The following ZEB1 variants were observed in gnomAD, a reference collection of about 807,000 sequenced individuals.
ZEB1 encodes zinc finger E-box binding homeobox 1.
A neutral mutation model predicts 84.9 loss-of-function variants in ZEB1; 21 were observed. That is an observed-to-expected ratio of 0.25 (90% CI 0.18 to 0.36). The LOEUF is 0.36. Ranked by LOEUF, ZEB1 falls within the 10% of genes least tolerant of loss-of-function variation. ZEB1 has a pLI of 1.00. For missense variants in ZEB1, 1,104 were observed against 1,330.2 expected (o/e 0.83, Z 2.65); for synonymous variants, 420 against 471.1 (o/e 0.89, Z 1.41).
intron 2 of ZEB1, among the ~76,000 whole-genome samples, chr10:31,472,226 G>A (rs1176904972): frequency 1.3e-5 from 2 of 151,726 alleles, no homozygotes; most frequent in Non-Finnish European, 2.9e-5. Flanking sequence ...CAGAACTGAA[G>A]GAAATAGAGA....
intron 4 of ZEB1, among the ~76,000 whole-genome samples, chr10:31,508,612 G>A (rs968222267): frequency 2.0e-5 from 3 of 152,124 alleles, no homozygotes; most frequent in Non-Finnish European, 2.9e-5. Context: ...TCGGAAACTG[G>A]GGAGGAGGTA....
intron 1 of ZEB1, chr10:31,387,834 ATTGAAAAATATTACTTAAAAC>A: frequency 1.1e-6 from 1 of 870,162 alleles, no homozygotes; most frequent in Non-Finnish European, 1.4e-6. Context: ...TCAGATCTTA[ATTGAAAAATATTACTTAAAAC>A]TTGAAAAAAT....
In ZEB1 at chr10:31,526,849, A is replaced by G; in HGVS notation, c.2963A>G (p.Lys988Arg). Residue 988 changes from lysine (K) to arginine (R), a missense_variant, in exon 9 of 9, where the codon AAG becomes AGG. Transcript: ENST00000424869. ...QHMNHRYSYCKREAEERDSTE... is the reference protein window; with the variant it reads ...QHMNHRYSYCRREAEERDSTE... ...ATGAATCATCGCTACTCCTACTGTA[A>G]GAGAGAAGCGGAAGAACGTGACAGC... The G allele has an allele frequency of 6.2e-7, 1 of 1,614,172 alleles. No individual in the cohort carries two copies. The highest frequency in any genetic ancestry group is 1.1e-5 in the South Asian group (1 of 91,080).
chr10:31,372,239 A>G (rs961274519), intron 1 of ZEB1, among the ~76,000 whole-genome samples: 1 of 152,066 alleles, frequency 6.6e-6, no homozygotes, highest in Admixed American at 6.6e-5. Context: ...TTTTTGCTAA[A>G]GACTTAAATT....
chr10:31,407,114 C>T (rs961683234), intron 1 of ZEB1, among the ~76,000 whole-genome samples: 1 of 151,140 alleles, frequency 6.6e-6, no homozygotes, highest in East Asian at 1.9e-4. Context: ...TATTATTATA[C>T]CTTAAGTTTT....
At chr10:31,406,657 A>C (rs778814381) in intron 1 of ZEB1, among the ~76,000 whole-genome samples, 11 of 152,042 alleles carry the variant, frequency 7.2e-5, no homozygotes, top group Non-Finnish European at 1.0e-4. Flanking sequence ...GTTCACTCTG[A>C]TGATAGTTTC....
intron 1 of ZEB1, among the ~76,000 whole-genome samples, chr10:31,440,494 C>A (rs572720408): frequency 6.6e-6 from 1 of 151,918 alleles, no homozygotes; most frequent in Non-Finnish European, 1.5e-5. Flanking sequence ...TGAAAACTGG[C>A]GCAAGACAGG....
At chr10:31,427,026 G>A (rs1024840900) in intron 1 of ZEB1, among the ~76,000 whole-genome samples, 5 of 151,710 alleles carry the variant, frequency 3.3e-5, no homozygotes, top group African/African-American at 1.2e-4. Context: ...AATACCATTT[G>A]CATCATTGTA....
In ZEB1 at chr10:31,379,431, G is replaced by GTC. The variant is rs994551359; in HGVS notation, c.58+60149_58+60150dup. ...CCTCTTTTTCTGTCTCTGTCTGTCTGTCTCTCTCTCTGTGTGTGTATATAT... is the reference window on the plus strand; with the variant it reads ...CCTCTTTTTCTGTCTCTGTCTGTCTGTCTCTCTCTCTCTGTGTGTGTATATAT... On this transcript the variant is annotated intron_variant, in intron 1 of 8. Coordinates refer to ENST00000424869, the MANE Select transcript of ZEB1 (RefSeq NM_001174096.2). 7.3e-5 allele frequency among the ~76,000 whole-genome samples: 11 copies of GTC among 149,928 alleles called. No individual in the cohort carries two copies. The East Asian group carries it at 1.4e-3, about 19-fold the overall frequency.
At chr10:31,330,916 C>A (rs954152539) in intron 1 of ZEB1, among the ~76,000 whole-genome samples, 2 of 151,734 alleles carry the variant, frequency 1.3e-5, no homozygotes, top group African/African-American at 4.8e-5. Context: ...TTTGTTTTTA[C>A]AGATCTCGCT....
intron 1 of ZEB1, among the ~76,000 whole-genome samples, chr10:31,414,038 C>T (rs1028422264): frequency 1.3e-5 from 2 of 152,134 alleles, no homozygotes; most frequent in Non-Finnish European, 2.9e-5. Context: ...CTAGCAAATT[C>T]GGAATCATTT....
intron 1 of ZEB1, among the ~76,000 whole-genome samples, chr10:31,397,064 G>A (rs1293539565): frequency 6.8e-6 from 1 of 147,070 alleles, no homozygotes; most frequent in African/African-American, 2.5e-5. Flanking sequence ...CACCCAGGCT[G>A]GAGTGCAGTG....
At chr10:31,477,683 G>T (rs183074290) in intron 2 of ZEB1, among the ~76,000 whole-genome samples, 220 of 152,044 alleles carry the variant, frequency 1.4e-3, no homozygotes, top group Non-Finnish European at 2.7e-3. Flanking sequence ...CAGAGGAATA[G>T]AACAAAGAAC....
chr10:31,385,974 G>A (rs1190654441), intron 1 of ZEB1, among the ~76,000 whole-genome samples: 2 of 152,022 alleles, frequency 1.3e-5, no homozygotes, highest in African/African-American at 2.4e-5. Context: ...CAGACAAAAT[G>A]TACATACGAA....
At chr10:31,475,027 C>G (rs1376056242) in intron 2 of ZEB1, among the ~76,000 whole-genome samples, 3 of 129,050 alleles carry the variant, frequency 2.3e-5, no homozygotes, top group Non-Finnish European at 4.6e-5. Context: ...CACATGGACA[C>G]AGGAAGGGGA....
At chr10:31,382,358 G>T (rs2047843461) in intron 1 of ZEB1, among the ~76,000 whole-genome samples, 1 of 152,066 alleles carries the variant, frequency 6.6e-6, no homozygotes, top group African/African-American at 2.4e-5. Context: ...TAATACAGTT[G>T]TTTTCTTAAG....
intron 2 of ZEB1, 44 bp downstream of exon 2, chr10:31,461,281 T>G: frequency 6.6e-7 from 1 of 1,523,918 alleles, no homozygotes; most frequent in Non-Finnish European, 8.9e-7. Flanking sequence ...TCATGATTCG[T>G]TTTTTAAAAT....
In ZEB1 at chr10:31,520,340, A is replaced by T. The variant is rs749135192; in HGVS notation, c.1008A>T (p.Lys336Asn). ...AGATACGGCAAAAGATAGAGAATAA[A>T]CCCCTTCAAGAACAACTTTCTGTTA... ...RPQIRQKIEN[K>N]PLQEQLSVNQ... Residue 336 changes from lysine to asparagine, a missense_variant, in exon 7 of 9, where the codon AAA (lysine) becomes AAT (asparagine). Transcript: ENST00000424869. The surrounding 1 kb of genome is among the most constrained non-coding windows in gnomAD (Gnocchi z 5.1). 4.3e-6 allele frequency: 7 copies of T among 1,613,916 alleles called. No homozygotes were observed. The highest frequency in any genetic ancestry group is 5.9e-6 in the Non-Finnish European group (7 of 1,179,922).
At chr10:31,380,762 G>C (rs1295631788) in intron 1 of ZEB1, among the ~76,000 whole-genome samples, 1 of 152,038 alleles carries the variant, frequency 6.6e-6, no homozygotes, top group Non-Finnish European at 1.5e-5. Context: ...ACATTCCAAA[G>C]GTAACTTGAG....
Sources: gnomAD v4.1 joint callset for allele counts (sites outside exome capture counted in the v4.1 genomes callset) on GRCh38, gnomAD v4.1.1 for gene constraint, Gnocchi (gnomAD v3.1) non-coding constraint, MANE v1.5 for transcripts, NCBI Gene and HGNC (gene_info 2026-07-23, HGNC 2026-07-21) for gene names.